SNTG1: variants seen among roughly 807,000 people sequenced by gnomAD.
The protein encoded by SNTG1 is syntrophin gamma 1, also known as gamma-1-syntrophin.
A neutral mutation model predicts 74.7 loss-of-function variants in SNTG1; 39 were observed. The observed-to-expected ratio is 0.52, with a 90% confidence interval of 0.40 to 0.68. SNTG1 has a LOEUF of 0.68. SNTG1 is among the 30% of genes least tolerant of loss of function. The probability of loss-of-function intolerance (pLI) is 0.00; values close to 1 mark genes in which losing one functional copy is unlikely to be tolerated. For synonymous variants in SNTG1, 254 were observed against 217.1 expected (o/e 1.17, Z -1.49); for missense variants, 685 against 609.5 (o/e 1.12, Z -1.30).
At chr8:50,588,002 C>G (rs1365909913) in intron 12 of SNTG1, among the ~76,000 whole-genome samples, 1 of 151,318 alleles carries the variant, frequency 6.6e-6, no homozygotes, top group African/African-American at 2.4e-5. Flanking sequence ...CACCTATAGT[C>G]CCAGCTACTC....
At chr8:50,310,429 A>G (rs940050357) in intron 2 of SNTG1, among the ~76,000 whole-genome samples, 3 of 152,138 alleles carry the variant, frequency 2.0e-5, no homozygotes, top group East Asian at 1.9e-4. Flanking sequence ...TGGCTCACGC[A>G]TGTAATCCCA....
At chr8:50,731,044 C>G (rs569926980) in intron 17 of SNTG1, among the ~76,000 whole-genome samples, 1 of 152,070 alleles carries the variant, frequency 6.6e-6, no homozygotes, top group Non-Finnish European at 1.5e-5. Flanking sequence ...AAGAATCTTG[C>G]CCAAAGTCAT....
intron 1 of SNTG1, among the ~76,000 whole-genome samples, chr8:50,082,250 C>T (rs889223833): frequency 2.0e-5 from 3 of 152,080 alleles, no homozygotes; most frequent in Admixed American, 6.6e-5. Context: ...TTGCTGAATT[C>T]CACATTTGTT....
At chr8:50,180,998 A>G (rs531241709) in intron 2 of SNTG1, among the ~76,000 whole-genome samples, 15 of 152,194 alleles carry the variant, frequency 9.9e-5, no homozygotes, top group African/African-American at 3.6e-4. Context: ...TCCTGGCCTC[A>G]GGTGATCTGC....
intron 12 of SNTG1, among the ~76,000 whole-genome samples, chr8:50,563,358 A>C (rs1466473973): frequency 6.6e-6 from 1 of 152,208 alleles, no homozygotes; most frequent in Non-Finnish European, 1.5e-5. Context: ...AAACACATTT[A>C]GCTACAGTAA....
chr8:50,645,353 T>C (rs1369816788), intron 13 of SNTG1, among the ~76,000 whole-genome samples: 1 of 152,046 alleles, frequency 6.6e-6, no homozygotes, highest in Non-Finnish European at 1.5e-5. Context: ...ATTTTTTTTA[T>C]ATAATTTCCT....
At chr8:50,106,992 G>C (rs1320510076) in intron 1 of SNTG1, among the ~76,000 whole-genome samples, 1 of 152,134 alleles carries the variant, frequency 6.6e-6, no homozygotes, top group Non-Finnish European at 1.5e-5. Context: ...GGCAAGAGCA[G>C]AACACATAGG....
chr8:50,180,862 G>T (rs752121230), intron 2 of SNTG1, among the ~76,000 whole-genome samples: 3 of 145,324 alleles, frequency 2.1e-5, no homozygotes, highest in Non-Finnish European at 4.5e-5. Flanking sequence ...CCAGGTTCAA[G>T]CGACTCTCCG....
intron 8 of SNTG1, among the ~76,000 whole-genome samples, chr8:50,493,520 G>A (rs2093876757): frequency 6.6e-6 from 1 of 152,066 alleles, no homozygotes; most frequent in South Asian, 2.1e-4. Context: ...AAATGCAGGA[G>A]ACTTCTGTAT....
At chr8:50,459,146 A>G (rs1227930957) in intron 8 of SNTG1, among the ~76,000 whole-genome samples, 1 of 152,070 alleles carries the variant, frequency 6.6e-6, no homozygotes, top group Non-Finnish European at 1.5e-5. Flanking sequence ...TTCCTATTCT[A>G]TTGCCTTGAC....
At chr8:50,260,537 A>T (rs1380466298) in intron 2 of SNTG1, among the ~76,000 whole-genome samples, 1 of 151,904 alleles carries the variant, frequency 6.6e-6, no homozygotes, top group Non-Finnish European at 1.5e-5. Context: ...AGACACACAC[A>T]CACACTACAC....
intron 13 of SNTG1, among the ~76,000 whole-genome samples, chr8:50,655,762 T>A (rs2095176302): frequency 1.3e-5 from 2 of 152,184 alleles, no homozygotes; most frequent in Non-Finnish European, 2.9e-5. Flanking sequence ...GCATTGTTAT[T>A]AGTCAACTGT....
intron 1 of SNTG1, among the ~76,000 whole-genome samples, chr8:49,940,234 A>AATACATTG (rs1479446378): frequency 6.6e-6 from 1 of 152,162 alleles, no homozygotes; most frequent in Non-Finnish European, 1.5e-5. Flanking sequence ...ACATGCACCA[A>AATACATTG]ATACATTGAG....
rs188045971 is a variant in SNTG1, at chr8:50,065,801, A to G, written c.-102-106760A>G. ...GGAGTACATTTGATGAAGTATATACATACAACATAAATCCACTACCTTCCT... is the reference window on the plus strand; with the variant it reads ...GGAGTACATTTGATGAAGTATATACGTACAACATAAATCCACTACCTTCCT... On this transcript the variant is annotated intron_variant, in intron 1 of 18. Transcript: ENST00000642720. 2.4e-3 allele frequency among the ~76,000 whole-genome samples: 359 copies of G among 152,348 alleles called. 3 individuals are homozygous for G. Among genetic ancestry groups the G allele is most frequent in the Non-Finnish European group, 4.2e-3 (287 of 68,022 alleles).
chr8:50,777,423 T>C (rs1230696225), intron 18 of SNTG1, among the ~76,000 whole-genome samples: 2 of 150,500 alleles, frequency 1.3e-5, no homozygotes, highest in Non-Finnish European at 3.0e-5. Flanking sequence ...TTTTTATTTC[T>C]GTTATTATAT....
chr8:50,400,434 T>G (rs2092788070), intron 3 of SNTG1, among the ~76,000 whole-genome samples: 1 of 152,186 alleles, frequency 6.6e-6, no homozygotes, highest in South Asian at 2.1e-4. Context: ...TAGGTTGATT[T>G]CATATCTTGG....
chr8:49,932,334 T>C (rs992355888), intron 1 of SNTG1, among the ~76,000 whole-genome samples: 2 of 152,108 alleles, frequency 1.3e-5, no homozygotes, highest in Non-Finnish European at 2.9e-5. Flanking sequence ...TCTATTTACT[T>C]TTCTTCTAAC....
intron 18 of SNTG1, among the ~76,000 whole-genome samples, chr8:50,761,833 T>C (rs1264343018): frequency 3.9e-5 from 6 of 151,952 alleles, no homozygotes; most frequent in Non-Finnish European, 1.5e-5. Flanking sequence ...AATTCAAGAA[T>C]GAAGTTTAAC....
rs932618016 is a variant in SNTG1, at chr8:50,706,184, T to C, written c.1191+1432T>C. 2.0e-5 allele frequency among the ~76,000 whole-genome samples: 3 copies of C among 152,148 alleles called. No individual in the cohort carries two copies. In the East Asian group the frequency reaches 5.8e-4, roughly 29 times the overall value. On this transcript the variant is annotated intron_variant, in intron 16 of 18. Transcript: ENST00000642720. ...TGTTCAGTTGACTCTTTTCAATAAC[T>C]CTGCTTTTATCTTCATGCACCTAAA...
Sources: allele counts gnomAD v4.1 joint callset (sites outside exome capture counted in the v4.1 genomes callset), GRCh38; gene constraint gnomAD v4.1.1; transcripts MANE v1.5; gene names NCBI Gene and HGNC (gene_info 2026-07-23, HGNC 2026-07-21).